The following SYT16 variants were observed in gnomAD, a reference collection of about 807,000 sequenced individuals.
SYT16 encodes synaptotagmin-16.
Under a neutral mutation model 61.4 loss-of-function variants are expected in SYT16, and 42 were observed. The observed-to-expected ratio is 0.68, with a 90% CI of 0.53 to 0.89. The LOEUF is 0.89. SYT16 is among the 40% of genes least tolerant of loss of function. The pLI is 0.00. For missense variants in SYT16, 804 were observed against 807.3 expected (o/e 1.00, Z 0.05); for synonymous variants, 314 against 302.3 (o/e 1.04, Z -0.40).
At chr14:62,093,161 G>C (rs2057150348) in intron 7 of SYT16, among the ~76,000 whole-genome samples, 1 of 151,978 alleles carries the variant, frequency 6.6e-6, no homozygotes, top group Admixed American at 6.6e-5. Flanking sequence ...AAAATTAAGA[G>C]ATTTAAAAAT....
intron 2 of SYT16, among the ~76,000 whole-genome samples, chr14:61,977,310 T>C (rs192057806): frequency 6.5e-4 from 99 of 152,300 alleles, no homozygotes; most frequent in African/African-American, 2.3e-3. Context: ...CAGTACCAAT[T>C]TACTGTATTA....
At chr14:61,981,639 T>C (rs2052081490) in intron 2 of SYT16, among the ~76,000 whole-genome samples, 2 of 152,162 alleles carry the variant, frequency 1.3e-5, no homozygotes, top group Admixed American at 1.3e-4. Flanking sequence ...TTTGTTTTCT[T>C]GCAACTTAGA....
At chr14:62,045,694 C>T (rs1227439226) in intron 3 of SYT16, among the ~76,000 whole-genome samples, 1 of 152,082 alleles carries the variant, frequency 6.6e-6, no homozygotes, top group African/African-American at 2.4e-5. Context: ...TGAGTGAGAA[C>T]ATGCGGTGTT....
chr14:62,017,163 T>C (rs1416474805), intron 3 of SYT16, among the ~76,000 whole-genome samples: 1 of 152,214 alleles, frequency 6.6e-6, no homozygotes. Context: ...ATTCATCAAA[T>C]ACTGGTTTTA....
chr14:61,872,706 A>G (rs963377731), intron 1 of SYT16, among the ~76,000 whole-genome samples: 6 of 152,226 alleles, frequency 3.9e-5, no homozygotes, highest in Non-Finnish European at 7.3e-5. Flanking sequence ...GGCACATCCC[A>G]TATAGAATTC....
At chr14:61,944,759 A>G (rs1355006429) in intron 1 of SYT16, among the ~76,000 whole-genome samples, 1 of 152,236 alleles carries the variant, frequency 6.6e-6, no homozygotes, top group Non-Finnish European at 1.5e-5. Context: ...AAAGACTTAA[A>G]TGTAAGACCT....
At chr14:61,903,423 A>G (rs2048591911) in intron 1 of SYT16, among the ~76,000 whole-genome samples, 1 of 152,192 alleles carries the variant, frequency 6.6e-6, no homozygotes, top group Non-Finnish European at 1.5e-5. Context: ...CATTAAATGT[A>G]TGTTAAATGT....
At chr14:62,000,972 G>C (rs1331775917) in intron 3 of SYT16, among the ~76,000 whole-genome samples, 2 of 152,068 alleles carry the variant, frequency 1.3e-5, no homozygotes, top group African/African-American at 4.8e-5. Context: ...TGAGGTGGGA[G>C]GAATGCTTGA....
At chr14:61,865,190 A>G (rs952469109) in intron 1 of SYT16, 13 of 1,150,262 alleles carry the variant, frequency 1.1e-5, no homozygotes, top group Middle Eastern at 3.9e-4. Context: ...TGTTTCTGTC[A>G]CTGACTATAA....
intron 1 of SYT16, among the ~76,000 whole-genome samples, chr14:61,905,199 C>CTAAA (rs1465757619): frequency 6.6e-6 from 1 of 152,230 alleles, no homozygotes. Flanking sequence ...GAAATTCCAT[C>CTAAA]TAAACCATTC....
chr14:61,976,419 C>T (rs983619948), intron 2 of SYT16, among the ~76,000 whole-genome samples: 4 of 152,188 alleles, frequency 2.6e-5, no homozygotes, highest in African/African-American at 9.7e-5. Flanking sequence ...TTTCTCACTT[C>T]TGTAGTAGAG....
At chr14:61,832,174 C>T in intron 1 of SYT16, 1 of 678,292 alleles carries the variant, frequency 1.5e-6, no homozygotes, top group Non-Finnish European at 2.8e-6. Context: ...GAGGCCTTCT[C>T]CTTCTTCTTC....
intron 3 of SYT16, among the ~76,000 whole-genome samples, chr14:62,020,567 G>A (rs2053872058): frequency 6.6e-6 from 1 of 152,216 alleles, no homozygotes; most frequent in South Asian, 2.1e-4. Context: ...AGGTAACGGA[G>A]ATTCCCTTTC....
intron 1 of SYT16, among the ~76,000 whole-genome samples, chr14:61,960,498 G>C (rs1330617745): frequency 6.6e-6 from 1 of 152,120 alleles, no homozygotes; most frequent in Non-Finnish European, 1.5e-5. Flanking sequence ...TTGGCTCTGA[G>C]CTTGGATATT....
At chr14:62,036,821 T>C (rs1293470339) in intron 3 of SYT16, among the ~76,000 whole-genome samples, 1 of 152,086 alleles carries the variant, frequency 6.6e-6, no homozygotes, top group Non-Finnish European at 1.5e-5. Flanking sequence ...TTATGGGAGC[T>C]ACAATTCAAG....
At chr14:61,995,311 G>A (rs546126328) in intron 2 of SYT16, among the ~76,000 whole-genome samples, 1 of 152,110 alleles carries the variant, frequency 6.6e-6, no homozygotes, top group Non-Finnish European at 1.5e-5. Context: ...CAGTAAGCTA[G>A]ATAATCCATT....
Position 61,996,261 on chromosome 14 carries a change from C to A in SYT16, c.242C>A (p.Ala81Glu). 2 of 1,613,622 alleles carry A rather than the reference C, an allele frequency of 1.2e-6. No individual in the cohort carries two copies. Among genetic ancestry groups the A allele is most frequent in the African/African-American group, 1.3e-5 (1 of 75,016 alleles). ...GACAATGATTGGAGTCAAGAGGATG[C>A]AAATTCCTTGTTTCTTGAAGTGGAT... The part of the protein sequence containing the change: ...EQDNDWSQED[A>E]NSLFLEVDHF... Residue 81 changes from alanine (A) to glutamate (E), a missense_variant, in exon 3 of 8, where the codon GCA becomes GAA. Ala to Glu is a moderately radical substitution (Grantham distance 107). Coordinates refer to ENST00000683842, the MANE Select transcript of SYT16 (RefSeq NM_001367656.1).
intron 1 of SYT16, among the ~76,000 whole-genome samples, chr14:61,947,267 C>CGTGTGTGTGTGT (rs59798244): frequency 0.027 from 3,440 of 125,780 alleles, 97 homozygotes; most frequent in Non-Finnish European, 0.039. Flanking sequence ...TTTAGTCCTT[C>CGTGTGTGTGTGT]GTGTGTGTGT....
At chr14:62,016,579 G>T (rs1425345363) in intron 3 of SYT16, among the ~76,000 whole-genome samples, 1 of 151,604 alleles carries the variant, frequency 6.6e-6, no homozygotes, top group Non-Finnish European at 1.5e-5. Flanking sequence ...CGGGCGTGGT[G>T]GCGGGTGCCT....
Sources: gnomAD v4.1 joint callset for allele counts (sites outside exome capture counted in the v4.1 genomes callset) on GRCh38, gnomAD v4.1.1 for gene constraint, MANE v1.5 for transcripts, NCBI Gene and HGNC (gene_info 2026-07-23, HGNC 2026-07-21) for gene names.